The following CALCRL variants were observed in gnomAD, a reference collection of about 807,000 sequenced individuals.
CALCRL encodes the protein calcitonin receptor like receptor, also known as calcitonin gene-related peptide type 1 receptor.
A neutral mutation model predicts 60.4 loss-of-function variants in CALCRL; 27 were observed. The ratio of observed to expected loss-of-function variants is 0.45; its 90% CI spans 0.33 to 0.62. The LOEUF (loss-of-function observed/expected upper bound fraction) is 0.62, where lower values mean the gene tolerates loss of function less well. Among genes scored for constraint, CALCRL ranks in the 20% least tolerant of loss-of-function variants. The pLI is 0.03. For synonymous variants in CALCRL, 190 were observed against 182.6 expected, an observed-to-expected ratio of 1.04 and a Z score of -0.33; for missense variants, 424 against 540.7, an observed-to-expected ratio of 0.78 and a Z score of 2.14.
intron 1 of CALCRL, among the ~76,000 whole-genome samples, chr2:187,429,925 CACATGAAG>C (rs1357307983): frequency 6.6e-6 from 1 of 152,192 alleles, no homozygotes; most frequent in Non-Finnish European, 1.5e-5. Flanking sequence ...TCTCAGTGTT[CACATGAAG>C]ACATGACTGA....
At chr2:187,362,553 C>G (rs912330411) in intron 9 of CALCRL, among the ~76,000 whole-genome samples, 1 of 141,986 alleles carries the variant, frequency 7.0e-6, no homozygotes, top group African/African-American at 2.6e-5. Flanking sequence ...ATAATTTTTT[C>G]TTTTAAAAAA....
chr2:187,447,605 C>T (rs187133608), intron 1 of CALCRL, among the ~76,000 whole-genome samples: 28 of 152,074 alleles, frequency 1.8e-4, no homozygotes, highest in Non-Finnish European at 3.5e-4. Flanking sequence ...AGTGAGACTC[C>T]GAGACCCATT....
chr2:187,371,714 C>A (rs1230747276), intron 8 of CALCRL, among the ~76,000 whole-genome samples: 1 of 143,888 alleles, frequency 6.9e-6, no homozygotes, highest in Admixed American at 7.3e-5. Context: ...CCAGCCTGGG[C>A]GACAGAGCAA....
At chr2:187,379,388 T>C (rs1687898097) in intron 7 of CALCRL, among the ~76,000 whole-genome samples, 1 of 152,144 alleles carries the variant, frequency 6.6e-6, no homozygotes, top group South Asian at 2.1e-4. Flanking sequence ...AAACAAATGC[T>C]ACGTGATGAT....
chr2:187,353,731 T>A (rs858748), intron 12 of CALCRL, among the ~76,000 whole-genome samples: 131,949 of 151,866 alleles, frequency 0.87, 57,543 homozygotes, highest in African/African-American at 0.91. Context: ...TATTCCCTTC[T>A]TAAGCATCCA....
chr2:187,416,167 T>C (rs1404351523), intron 1 of CALCRL, among the ~76,000 whole-genome samples: 1 of 152,204 alleles, frequency 6.6e-6, no homozygotes, highest in Non-Finnish European at 1.5e-5. Context: ...ACTTAGTCAT[T>C]TCACAATCTA....
intron 1 of CALCRL, among the ~76,000 whole-genome samples, chr2:187,443,861 A>G (rs1256196173): frequency 2.6e-5 from 4 of 151,726 alleles, no homozygotes; most frequent in African/African-American, 7.2e-5. Flanking sequence ...ATTGAGGTGC[A>G]TATGCAAAAT....
chr2:187,425,342 A>T (rs1381222791), intron 1 of CALCRL, among the ~76,000 whole-genome samples: 1 of 151,936 alleles, frequency 6.6e-6, no homozygotes, highest in East Asian at 1.9e-4. Context: ...TTATACATAG[A>T]ATTATACAGA....
At chr2:187,350,152 T>C (rs1686461390) in intron 14 of CALCRL, among the ~76,000 whole-genome samples, 1 of 151,600 alleles carries the variant, frequency 6.6e-6, no homozygotes, top group Non-Finnish European at 1.5e-5. Flanking sequence ...TGTTACAAAA[T>C]ATTTTACTAG....
intron 1 of CALCRL, among the ~76,000 whole-genome samples, chr2:187,398,669 A>G (rs1208789895): frequency 6.6e-6 from 1 of 151,634 alleles, no homozygotes; most frequent in Non-Finnish European, 1.5e-5. Flanking sequence ...TAGCTTGGTC[A>G]TGGACATGTG....
chr2:187,361,159 A>G (rs968218544), intron 9 of CALCRL, among the ~76,000 whole-genome samples: 2 of 72,130 alleles, frequency 2.8e-5, no homozygotes, highest in Non-Finnish European at 5.4e-5. Context: ...CCAATTCATT[A>G]AAAGTGCCCA....
intron 1 of CALCRL, among the ~76,000 whole-genome samples, chr2:187,392,595 A>G (rs376300582): frequency 1.3e-3 from 200 of 152,338 alleles, no homozygotes; most frequent in Non-Finnish European, 2.5e-3. Context: ...TCAAAGTTCA[A>G]GAGCCTGGTT....
chr2:187,437,495 C>A (rs1690696655), intron 1 of CALCRL, among the ~76,000 whole-genome samples: 1 of 152,004 alleles, frequency 6.6e-6, no homozygotes, highest in African/African-American at 2.4e-5. Context: ...TTTCATCAAG[C>A]CTATTCAGAT....
intron 8 of CALCRL, among the ~76,000 whole-genome samples, chr2:187,375,827 T>G (rs1687734925): frequency 6.6e-6 from 1 of 152,206 alleles, no homozygotes; most frequent in Non-Finnish European, 1.5e-5. Context: ...TTTTAAATTT[T>G]AACCCTTCAA....
Position 187,363,410 on chromosome 2 carries a change from A to G in CALCRL, c.593T>C (p.Val198Ala), listed in dbSNP as rs1489669347. ...GGCTACTAAGGCCTGGTTGTTGGCCACTGCAGTGAGGTGAATGATTGTTAC... is the reference window on the plus strand; with the variant it reads ...GGCTACTAAGGCCTGGTTGTTGGCCGCTGCAGTGAGGTGAATGATTGTTAC... ...SVVTIIHLTA[V>A]ANNQALVATN... The change falls in exon 9 of 15, where the codon GTG (valine) becomes GCG (alanine). Residue 198 changes from valine to alanine, a missense_variant. By Grantham distance (64) the Val-to-Ala change is moderately conservative. Transcript: ENST00000392370. The G allele has an allele frequency of 6.2e-7, 1 of 1,611,452 alleles. No individual in the cohort carries two copies. The highest frequency in any genetic ancestry group is 1.1e-5 in the South Asian group (1 of 90,786).
chr2:187,361,207 C>A (rs549773002), intron 9 of CALCRL, among the ~76,000 whole-genome samples: 9 of 152,078 alleles, frequency 5.9e-5, no homozygotes, highest in Non-Finnish European at 1.2e-4. Flanking sequence ...GCTCCTCATG[C>A]AAATGCTTAT....
intron 1 of CALCRL, among the ~76,000 whole-genome samples, chr2:187,427,769 C>A (rs1396664050): frequency 6.6e-6 from 1 of 151,994 alleles, no homozygotes. Flanking sequence ...TTTACTCATG[C>A]AACAGAAGCT....
intron 1 of CALCRL, among the ~76,000 whole-genome samples, chr2:187,447,452 A>C (rs1691243467): frequency 6.6e-6 from 1 of 152,066 alleles, no homozygotes; most frequent in South Asian, 2.1e-4. Context: ...AGATTTAAAC[A>C]CATCTGGCAA....
intron 1 of CALCRL, among the ~76,000 whole-genome samples, chr2:187,441,099 G>A (rs1477908624): frequency 1.3e-5 from 2 of 151,796 alleles, no homozygotes; most frequent in Non-Finnish European, 2.9e-5. Context: ...AATATTTTTT[G>A]TCAAAGTAAG....
Sources: allele counts gnomAD v4.1 joint callset (sites outside exome capture counted in the v4.1 genomes callset), GRCh38; gene constraint gnomAD v4.1.1; transcripts MANE v1.5; gene names NCBI Gene and HGNC (gene_info 2026-07-23, HGNC 2026-07-21).